AFG2A: variants seen among roughly 807,000 people sequenced by gnomAD.
AFG2A encodes the protein ATPase family gene 2 protein homolog A.
At chr4:123,066,370 G>T in the AFG2A span, among the ~76,000 whole-genome samples, 1 of 152,016 alleles carries the variant, frequency 6.6e-6, no homozygotes, top group African/African-American at 2.4e-5. Context: ...TGATTTTTAT[G>T]GTGGTTTATA....
chr4:122,945,754 G>C, the AFG2A span, among the ~76,000 whole-genome samples: 4 of 152,236 alleles, frequency 2.6e-5, no homozygotes, highest in South Asian at 8.3e-4. Flanking sequence ...GCTGGGAGCT[G>C]TAGACCGGAG....
At chr4:122,942,880 A>G in the AFG2A span, among the ~76,000 whole-genome samples, 1 of 150,584 alleles carries the variant, frequency 6.6e-6, no homozygotes, top group East Asian at 1.9e-4. Context: ...TTCTGCCTTC[A>G]TTTCGTTATG....
chr4:122,979,800 TGGGA>T, the AFG2A span, among the ~76,000 whole-genome samples: 3 of 152,176 alleles, frequency 2.0e-5, no homozygotes, highest in Non-Finnish European at 2.9e-5. Context: ...ACAGCTGAGG[TGGGA>T]GGATCATCTG....
At chr4:123,108,008 C>T in the AFG2A span, among the ~76,000 whole-genome samples, 2 of 152,304 alleles carry the variant, frequency 1.3e-5, no homozygotes, top group East Asian at 1.9e-4. Context: ...TGCAGAGTCA[C>T]GGCTGGACAA....
chr4:123,117,487 G>A, the AFG2A span, among the ~76,000 whole-genome samples: 13 of 149,082 alleles, frequency 8.7e-5, no homozygotes, highest in East Asian at 3.9e-4. Flanking sequence ...GTTAGCATAC[G>A]AGATAGAGCA....
the AFG2A span, among the ~76,000 whole-genome samples, chr4:123,129,138 A>C: frequency 6.6e-6 from 1 of 152,222 alleles, no homozygotes; most frequent in African/African-American, 2.4e-5. Context: ...TTTTCAATTA[A>C]AAATCTTAAA....
chr4:123,157,278 C>G, the AFG2A span, among the ~76,000 whole-genome samples: 1 of 152,060 alleles, frequency 6.6e-6, no homozygotes, highest in African/African-American at 2.4e-5. Flanking sequence ...CCCACCTTGG[C>G]CTCCCGAAGT....
the AFG2A span, among the ~76,000 whole-genome samples, chr4:122,997,611 A>G: frequency 6.6e-6 from 1 of 152,186 alleles, no homozygotes; most frequent in African/African-American, 2.4e-5. Context: ...TTCATGTACA[A>G]GTTTTCGTGT....
the AFG2A span, among the ~76,000 whole-genome samples, chr4:123,253,206 G>A: frequency 6.6e-6 from 1 of 152,088 alleles, no homozygotes. Flanking sequence ...GCTGGGGCTG[G>A]GCACGGTGGC....
At chr4:123,140,755 T>C in the AFG2A span, among the ~76,000 whole-genome samples, 2 of 152,158 alleles carry the variant, frequency 1.3e-5, no homozygotes, top group African/African-American at 4.8e-5. Context: ...TTTCACAATA[T>C]GGAGTTTACT....
the AFG2A span, among the ~76,000 whole-genome samples, chr4:123,118,397 A>G: frequency 2.1e-5 from 3 of 145,304 alleles, no homozygotes; most frequent in Admixed American, 2.1e-4. Context: ...TCCCAGTTAT[A>G]TACAATGCAG....
At chr4:123,145,976 A>C in the AFG2A span, among the ~76,000 whole-genome samples, 1 of 152,126 alleles carries the variant, frequency 6.6e-6, no homozygotes, top group South Asian at 2.1e-4. Context: ...ACATATTTGT[A>C]CTTCTAATGC....
the AFG2A span, among the ~76,000 whole-genome samples, chr4:123,132,879 C>G: frequency 6.7e-6 from 1 of 149,858 alleles, no homozygotes; most frequent in Non-Finnish European, 1.5e-5. Flanking sequence ...CTCCTGGGTT[C>G]ACGCCATTCT....
chr4:122,945,154 G>C, the AFG2A span, among the ~76,000 whole-genome samples: 1 of 152,144 alleles, frequency 6.6e-6, no homozygotes, highest in Non-Finnish European at 1.5e-5. Flanking sequence ...GGAGAACCAC[G>C]GCTCTCTTCA....
At chr4:123,072,366 A>T in the AFG2A span, among the ~76,000 whole-genome samples, 1 of 152,162 alleles carries the variant, frequency 6.6e-6, no homozygotes, top group African/African-American at 2.4e-5. Flanking sequence ...ACTGTGTGGG[A>T]AGTCAGAATT....
chr4:122,938,076 C>A, the AFG2A span: 1 of 1,465,084 alleles, frequency 6.8e-7, no homozygotes, highest in Non-Finnish European at 9.1e-7. Flanking sequence ...CTAAGTAAAA[C>A]TTAAAATCAA....
chr4:123,295,921 A>C, the AFG2A span, among the ~76,000 whole-genome samples: 1 of 152,248 alleles, frequency 6.6e-6, no homozygotes, highest in African/African-American at 2.4e-5. Context: ...CAAAACAAAA[A>C]AAAGATAAAG....
the AFG2A span, among the ~76,000 whole-genome samples, chr4:122,951,936 C>T: frequency 2.8e-3 from 419 of 152,258 alleles, 4 homozygotes; most frequent in African/African-American, 9.6e-3. Context: ...CAGGGCCAAG[C>T]ACTGAATGGA....
the AFG2A span, among the ~76,000 whole-genome samples, chr4:123,041,610 C>T: frequency 6.6e-6 from 1 of 152,048 alleles, no homozygotes; most frequent in African/African-American, 2.4e-5. Context: ...CGGCTCACAG[C>T]AACTGCTGCC....
Sources: gnomAD v4.1 joint callset for allele counts (sites outside exome capture counted in the v4.1 genomes callset) on GRCh38, gnomAD v4.1.1 for gene constraint, MANE v1.5 for transcripts, NCBI Gene and HGNC (gene_info 2026-07-23, HGNC 2026-07-21) for gene names.